Variants in MSRB3 observed in about 807,000 individuals in gnomAD.
MSRB3 encodes methionine sulfoxide reductase B3.
A neutral mutation model predicts 21.0 loss-of-function variants in MSRB3; 13 were observed. The observed-to-expected ratio is 0.62, with a 90% CI of 0.40 to 0.98. The LOEUF (loss-of-function observed/expected upper bound fraction) is 0.98. Among genes scored for constraint, MSRB3 ranks in the 50% least tolerant of loss-of-function variants. MSRB3 has a pLI of 0.00. For synonymous variants in MSRB3, 87 were observed against 88.6 expected (o/e 0.98, Z 0.10); for missense variants, 199 against 230.3 (o/e 0.86, Z 0.88).
At chr12:65,462,893 GAGAGACTTCAC>G (rs1470863433) in intron 6 of MSRB3, among the ~76,000 whole-genome samples, 2 of 152,216 alleles carry the variant, frequency 1.3e-5, no homozygotes, top group African/African-American at 4.8e-5. Flanking sequence ...TCAGCTGGCT[GAGAGACTTCAC>G]AGATCAAAAA....
intron 6 of MSRB3, among the ~76,000 whole-genome samples, chr12:65,461,410 A>T (rs1383857651): frequency 6.6e-6 from 1 of 152,184 alleles, no homozygotes; most frequent in Non-Finnish European, 1.5e-5. Context: ...ATAATACAAG[A>T]TTTGTTTTTT....
intron 4 of MSRB3, among the ~76,000 whole-genome samples, chr12:65,366,569 A>G (rs1183586230): frequency 6.6e-6 from 1 of 152,150 alleles, no homozygotes; most frequent in East Asian, 1.9e-4. Context: ...AGGCCTAAAG[A>G]TGGTGAAAGT....
At chr12:65,321,568 T>A (rs1362908843) in intron 2 of MSRB3, among the ~76,000 whole-genome samples, 1 of 152,202 alleles carries the variant, frequency 6.6e-6, no homozygotes, top group Non-Finnish European at 1.5e-5. Flanking sequence ...TTAGGTATGG[T>A]TCTACAAATA....
At chr12:65,441,981 A>G (rs1156761514) in intron 5 of MSRB3, among the ~76,000 whole-genome samples, 3 of 152,032 alleles carry the variant, frequency 2.0e-5, no homozygotes, top group Non-Finnish European at 2.9e-5. Context: ...TTTCTGAGCA[A>G]TCTGTTCTGT....
At chr12:65,361,533 T>C (rs985347487) in intron 4 of MSRB3, among the ~76,000 whole-genome samples, 6 of 152,172 alleles carry the variant, frequency 3.9e-5, no homozygotes, top group Non-Finnish European at 8.8e-5. Context: ...AGCTTCTAAA[T>C]ATATTTTTAT....
At chr12:65,399,587 C>T (rs747522927) in intron 5 of MSRB3, among the ~76,000 whole-genome samples, 3 of 152,092 alleles carry the variant, frequency 2.0e-5, no homozygotes, top group Non-Finnish European at 4.4e-5. Flanking sequence ...ATTTGAATAC[C>T]TTTATTTCCT....
intron 5 of MSRB3, among the ~76,000 whole-genome samples, chr12:65,382,038 T>A (rs953706782): frequency 6.6e-6 from 1 of 152,106 alleles, no homozygotes; most frequent in Admixed American, 6.5e-5. Context: ...TATAGAATAA[T>A]GTTTTGCCAT....
intron 4 of MSRB3, among the ~76,000 whole-genome samples, chr12:65,342,174 A>G (rs999876353): frequency 6.6e-6 from 1 of 151,744 alleles, no homozygotes; most frequent in Non-Finnish European, 1.5e-5. Flanking sequence ...TTACTTTTCT[A>G]TAGCTCAAAA....
chr12:65,409,337 T>A (rs886147099), intron 5 of MSRB3, among the ~76,000 whole-genome samples: 1 of 152,134 alleles, frequency 6.6e-6, no homozygotes, highest in African/African-American at 2.4e-5. Context: ...ACTACACACC[T>A]AGGCTATGTA....
chr12:65,322,599 T>C (rs922923549), intron 2 of MSRB3, among the ~76,000 whole-genome samples: 3 of 146,526 alleles, frequency 2.0e-5, no homozygotes, highest in African/African-American at 7.6e-5. Context: ...ATGCAGAGGT[T>C]GCAGTGAGCT....
intron 1 of MSRB3, among the ~76,000 whole-genome samples, chr12:65,289,689 A>G (rs533116856): frequency 2.6e-5 from 4 of 152,136 alleles, no homozygotes; most frequent in African/African-American, 9.6e-5. Flanking sequence ...TAATTTTTCA[A>G]TCCTCACCCA....
At position 65,466,890 on chromosome 12, in the gene MSRB3, A is replaced by C. The variant is rs1449456383; in HGVS notation, c.*3568A>C. The stretch of plus-strand genomic sequence containing the variant: ...ATTGTATACAAGAATTATGCAATAA[A>C]ATTTCTTTATAAAAATATTTTCTTC... On this transcript the variant is annotated 3_prime_UTR_variant, in exon 7 of 7. Coordinates refer to ENST00000308259, the MANE Select transcript of MSRB3 (RefSeq NM_001031679.3). The C allele has an allele frequency of 1.3e-5, 2 of 152,200 alleles. No individual in the cohort carries two copies. The highest frequency in any genetic ancestry group is 2.9e-5 in the Non-Finnish European group (2 of 68,044). 9.4% of individuals were successfully genotyped at this position (152,200 alleles called of 1,614,324 possible).
intron 5 of MSRB3, among the ~76,000 whole-genome samples, chr12:65,414,471 C>T (rs900769730): frequency 2.6e-5 from 4 of 152,126 alleles, no homozygotes; most frequent in African/African-American, 9.7e-5. Flanking sequence ...TGTTTAGATA[C>T]ACAAATACTT....
chr12:65,351,794 T>C (rs529803909), intron 4 of MSRB3, among the ~76,000 whole-genome samples: 13,392 of 150,998 alleles, frequency 0.089, 2,050 homozygotes, highest in African/African-American at 0.31. Context: ...AGACCAATAA[T>C]AGGAGCTGAA....
intron 2 of MSRB3, among the ~76,000 whole-genome samples, chr12:65,320,721 G>A (rs529405637): frequency 1.3e-5 from 2 of 152,234 alleles, no homozygotes; most frequent in East Asian, 3.9e-4. Flanking sequence ...TTTGCTAAAT[G>A]GATATTCACT....
intron 4 of MSRB3, among the ~76,000 whole-genome samples, chr12:65,358,493 C>G (rs1877517034): frequency 6.6e-6 from 1 of 151,896 alleles, no homozygotes; most frequent in African/African-American, 2.4e-5. Flanking sequence ...CCATTGAGAG[C>G]TTTTTCAGTT....
intron 2 of MSRB3, among the ~76,000 whole-genome samples, chr12:65,323,411 A>G (rs1475730713): frequency 6.6e-6 from 1 of 152,238 alleles, no homozygotes; most frequent in Non-Finnish European, 1.5e-5. Flanking sequence ...CTCTGTAAGG[A>G]ACGGTGTTAT....
chr12:65,422,066 G>A (rs939145498), intron 5 of MSRB3, among the ~76,000 whole-genome samples: 1 of 152,052 alleles, frequency 6.6e-6, no homozygotes, highest in African/African-American at 2.4e-5. Context: ...TCGGAAAAAA[G>A]CAGGGGTTGC....
intron 4 of MSRB3, among the ~76,000 whole-genome samples, chr12:65,354,545 G>A (rs910908633): frequency 5.9e-5 from 9 of 151,978 alleles, no homozygotes; most frequent in African/African-American, 1.9e-4. Flanking sequence ...CATTCGTCAC[G>A]TAGTTCTCTT....
Sources: allele counts gnomAD v4.1 joint callset (sites outside exome capture counted in the v4.1 genomes callset), GRCh38; gene constraint gnomAD v4.1.1; transcripts MANE v1.5; gene names NCBI Gene and HGNC (gene_info 2026-07-23, HGNC 2026-07-21).